Variants in NR6A1 observed in about 807,000 individuals in gnomAD.
NR6A1 encodes nuclear receptor subfamily 6 group A member 1, also known as retinoic acid receptor-related testis-associated receptor.
A neutral mutation model predicts 59.1 loss-of-function variants in NR6A1; 7 were observed. The observed-to-expected ratio is 0.12, with a 90% confidence interval of 0.07 to 0.22. The LOEUF is 0.22. Among genes scored for constraint, NR6A1 ranks in the 10% least tolerant of loss-of-function variants. The pLI is 1.00. For missense variants in NR6A1, 468 were observed against 611.6 expected, an observed-to-expected ratio of 0.77 and a Z score of 2.48; for synonymous variants, 243 against 236.1, an observed-to-expected ratio of 1.03 and a Z score of -0.27.
intron 1 of NR6A1, among the ~76,000 whole-genome samples, chr9:124,768,222 C>CT (rs1423351507): frequency 1.3e-5 from 2 of 152,322 alleles, no homozygotes; most frequent in East Asian, 1.9e-4. Flanking sequence ...AAAAGACCCC[C>CT]TATCTGTATA....
intron 2 of NR6A1, among the ~76,000 whole-genome samples, chr9:124,571,255 G>C (rs1834429444): frequency 6.6e-6 from 1 of 152,214 alleles, no homozygotes. Flanking sequence ...TGTCTTAGGA[G>C]TGGGTTAGTT....
At chr9:124,532,150 C>T (rs1833118819) in intron 7 of NR6A1, among the ~76,000 whole-genome samples, 1 of 152,174 alleles carries the variant, frequency 6.6e-6, no homozygotes, top group South Asian at 2.1e-4. Flanking sequence ...TCAATTCTCC[C>T]CTCATTTCTC....
At chr9:124,713,706 C>G (rs1839343801) in intron 2 of NR6A1, among the ~76,000 whole-genome samples, 1 of 152,082 alleles carries the variant, frequency 6.6e-6, no homozygotes, top group Non-Finnish European at 1.5e-5. Context: ...GTCTCACAAC[C>G]ATTAGGAGAG....
At chr9:124,549,978 CTTGT>C (rs1481265834) in intron 3 of NR6A1, among the ~76,000 whole-genome samples, 1 of 152,138 alleles carries the variant, frequency 6.6e-6, no homozygotes, top group East Asian at 1.9e-4. Context: ...TCAGTCTTTC[CTTGT>C]TTTTTTGTGA....
In NR6A1 at chr9:124,568,466, C is replaced by G. The variant is rs1328498534; in HGVS notation, c.143-13896G>C. 1.9e-3 allele frequency among the ~76,000 whole-genome samples: 272 copies of G among 146,808 alleles called. 4 individuals are homozygous for G. Among genetic ancestry groups the G allele is most frequent in the African/African-American group, 6.7e-3 (254 of 38,162 alleles). ...CCACTGCACTCCAGCCTGGGTGACA[C>G]AGCAAGACTCTGTCTCAAAAAAAAA... On this transcript the variant is annotated intron_variant, in intron 2 of 9. Transcript: ENST00000487099.
chr9:124,621,483 T>TAAAAAAA (rs11366819), intron 2 of NR6A1, among the ~76,000 whole-genome samples: 1 of 143,442 alleles, frequency 7.0e-6, no homozygotes, highest in South Asian at 2.2e-4. Context: ...CCAATATCTT[T>TAAAAAAA]AAAAAAAAAA....
At chr9:124,652,176 G>A (rs79923774) in intron 2 of NR6A1, among the ~76,000 whole-genome samples, 1,684 of 152,214 alleles carry the variant, frequency 0.011, 28 homozygotes, top group African/African-American at 0.038. Flanking sequence ...ATCCCTCAAT[G>A]CACAAGAGTA....
chr9:124,518,629 A>G lies in NR6A1; in HGVS notation c.*4076T>C, dbSNP rs1314907560. On this transcript the variant is annotated 3_prime_UTR_variant, in exon 10 of 10. Transcript: ENST00000487099. ...TACTGGACATAGATGCTTCAAGCCA[A>G]GGAGAAAGGGAGGATGATCAGTTGC... is the stretch of plus-strand genomic sequence containing the variant. 2 of 152,146 alleles carry G rather than the reference A, an allele frequency of 1.3e-5. No homozygotes were observed. Among genetic ancestry groups the G allele is most frequent in the African/African-American group, 4.8e-5 (2 of 41,410 alleles). 9.4% of individuals were successfully genotyped at this position (152,146 alleles called of 1,614,324 possible). A position where few individuals can be genotyped will look rare whatever the true frequency, so the allele number is the denominator to read the frequency against.
rs961485429 is a variant in NR6A1 at position 124,703,356 on chromosome 9, G to A, written c.142+29952C>T. Among the ~76,000 whole-genome samples, 3 of 151,348 alleles carry A rather than the reference G, an allele frequency of 2.0e-5. No homozygotes were observed. In the East Asian group the frequency reaches 5.8e-4, roughly 29 times the overall value. On this transcript the variant is annotated intron_variant, in intron 2 of 9. Coordinates refer to ENST00000487099, the MANE Select transcript of NR6A1 (RefSeq NM_033334.4). ...ACCTCCTAAGTAGCAAGGACTACAG[G>A]CACATGCCACCATGTCCAGGGTTTT...
intron 7 of NR6A1, 66 bp from the exon 8 acceptor site, chr9:124,526,966 A>C: frequency 6.3e-7 from 1 of 1,594,128 alleles, no homozygotes; most frequent in African/African-American, 1.3e-5. Context: ...AAGGGCAGCC[A>C]GAGAGCTCCT....
At chr9:124,636,794 A>G (rs973734476) in intron 2 of NR6A1, among the ~76,000 whole-genome samples, 1 of 152,188 alleles carries the variant, frequency 6.6e-6, no homozygotes, top group African/African-American at 2.4e-5. Flanking sequence ...TCTTTGGCCA[A>G]TACCACACTG....
At chr9:124,701,897 GTATTTT>G (rs1367261618) in intron 2 of NR6A1, among the ~76,000 whole-genome samples, 1 of 151,976 alleles carries the variant, frequency 6.6e-6, no homozygotes, top group Non-Finnish European at 1.5e-5. Context: ...GTAGTTTTTT[GTATTTT>G]TAGTAGAGAT....
intron 2 of NR6A1, among the ~76,000 whole-genome samples, chr9:124,589,764 G>C (rs1391161357): frequency 2.6e-5 from 4 of 151,862 alleles, no homozygotes. Context: ...TAACTTATTA[G>C]CTCCTTTAAA....
chr9:124,538,017 G>C (rs1564169275), intron 6 of NR6A1, 75 bp downstream of exon 6: 6 of 1,249,010 alleles, frequency 4.8e-6, no homozygotes, highest in Non-Finnish European at 6.8e-6. Context: ...GGGTATAGGA[G>C]CCAGGGACGC....
Position 124,670,216 on chromosome 9 carries a change from C to CAAA in NR6A1, c.142+63089_142+63091dup, listed in dbSNP as rs1245931470. On this transcript the variant is annotated intron_variant, in intron 2 of 9. Transcript: ENST00000487099. ...CCAACATAGCAAGACCTCATCTCTGCAAAAAAAAAAAAAAAAAATCAAAAA... is the reference window on the plus strand; with the variant it reads ...CCAACATAGCAAGACCTCATCTCTGCAAAAAAAAAAAAAAAAAAAAATCAAAAA... Among the ~76,000 whole-genome samples the CAAA allele has an allele frequency of 7.8e-4, 64 of 82,148 alleles. No homozygotes were observed. The South Asian group carries it at 0.025, about 32-fold the overall frequency. 53.9% of individuals were successfully genotyped at this position (82,148 alleles called of 152,430 possible).
chr9:124,741,200 C>A (rs1008766408), intron 1 of NR6A1, among the ~76,000 whole-genome samples: 1 of 152,130 alleles, frequency 6.6e-6, no homozygotes, highest in Non-Finnish European at 1.5e-5. Context: ...TTTAAATGGC[C>A]GTATGAGGCT....
chr9:124,728,319 G>A (rs1217105019), intron 2 of NR6A1, among the ~76,000 whole-genome samples: 6 of 151,758 alleles, frequency 4.0e-5, no homozygotes, highest in South Asian at 4.1e-4. Context: ...ATGAGCCACC[G>A]CGCCCAGCCA....
At chr9:124,525,415 A>G (rs1832906368) in intron 8 of NR6A1, among the ~76,000 whole-genome samples, 1 of 151,652 alleles carries the variant, frequency 6.6e-6, no homozygotes, top group Admixed American at 6.6e-5. Flanking sequence ...CCTAGGCTGG[A>G]GTGCAGTGGT....
intron 1 of NR6A1, among the ~76,000 whole-genome samples, chr9:124,737,678 A>C (rs1198845883): frequency 6.6e-6 from 1 of 152,066 alleles, no homozygotes; most frequent in Non-Finnish European, 1.5e-5. Flanking sequence ...CCAGCATGGC[A>C]AAAATGGTGA....
Sources: gnomAD v4.1 joint callset for allele counts (sites outside exome capture counted in the v4.1 genomes callset) on GRCh38, gnomAD v4.1.1 for gene constraint, MANE v1.5 for transcripts, NCBI Gene and HGNC (gene_info 2026-07-23, HGNC 2026-07-21) for gene names.